The following SCAMP1 variants were observed in gnomAD, a reference collection of about 807,000 sequenced individuals.
SCAMP1 encodes secretory carrier-associated membrane protein 1.
In SCAMP1, 15 loss-of-function variants were observed where a neutral mutation model predicts 41.8. The ratio of observed to expected loss-of-function variants is 0.36; its 90% CI spans 0.24 to 0.55. The LOEUF (loss-of-function observed/expected upper bound fraction) is 0.55. Ranked by LOEUF, SCAMP1 falls within the 20% of genes least tolerant of loss-of-function variation. SCAMP1 has a pLI of 0.86. For synonymous variants in SCAMP1, 135 were observed against 136.8 expected, an observed-to-expected ratio of 0.99 and a Z score of 0.09; for missense variants, 341 against 412.6, an observed-to-expected ratio of 0.83 and a Z score of 1.50.
intron 7 of SCAMP1, among the ~76,000 whole-genome samples, chr5:78,452,619 T>C (rs1165075354): frequency 1.3e-5 from 2 of 151,122 alleles, no homozygotes; most frequent in African/African-American, 4.9e-5. Context: ...TCCAAGTCTT[T>C]GCCATTGTGA....
At chr5:78,379,721 G>GA (rs927248203) in intron 1 of SCAMP1, among the ~76,000 whole-genome samples, 3 of 152,180 alleles carry the variant, frequency 2.0e-5, no homozygotes, top group African/African-American at 4.8e-5. Flanking sequence ...TATTTAAGGT[G>GA]AATTTTAGCA....
At chr5:78,412,805 A>G (rs1303232006) in intron 2 of SCAMP1, among the ~76,000 whole-genome samples, 1 of 152,144 alleles carries the variant, frequency 6.6e-6, no homozygotes, top group Non-Finnish European at 1.5e-5. Flanking sequence ...TTTCTGTTAT[A>G]TGCATTACAA....
intron 1 of SCAMP1, among the ~76,000 whole-genome samples, chr5:78,374,103 G>C (rs1340732742): frequency 3.3e-5 from 5 of 151,992 alleles, no homozygotes. Context: ...AGTCACTTGG[G>C]ATACAAGATA....
At chr5:78,432,829 A>G (rs1419023672) in intron 6 of SCAMP1, among the ~76,000 whole-genome samples, 2 of 152,100 alleles carry the variant, frequency 1.3e-5, no homozygotes, top group African/African-American at 4.8e-5. Flanking sequence ...TTTCTTTTGT[A>G]ACTTCTTTAT....
At chr5:78,395,930 G>C (rs1013945283) in intron 2 of SCAMP1, among the ~76,000 whole-genome samples, 1 of 152,164 alleles carries the variant, frequency 6.6e-6, no homozygotes, top group Admixed American at 6.5e-5. Flanking sequence ...GCACTCAAGG[G>C]AAGGGCATTA....
intron 8 of SCAMP1, among the ~76,000 whole-genome samples, chr5:78,475,070 G>C (rs916921145): frequency 3.9e-5 from 6 of 152,082 alleles, no homozygotes; most frequent in African/African-American, 1.4e-4. Context: ...ATTATAACAG[G>C]GCCTGTGGTG....
At chr5:78,431,669 C>A (rs1218206154) in intron 6 of SCAMP1, among the ~76,000 whole-genome samples, 1 of 150,678 alleles carries the variant, frequency 6.6e-6, no homozygotes. Flanking sequence ...TAATCATAGT[C>A]TCTGTATTCA....
Position 78,407,748 on chromosome 5 carries a change from C to A in SCAMP1, c.136-7772C>A, listed in dbSNP as rs11748782. Among the ~76,000 whole-genome samples the A allele has an allele frequency of 6.7e-3, 1,017 of 151,954 alleles. 7 individuals carry two copies. The highest frequency in any genetic ancestry group is 0.01 in the Non-Finnish European group (708 of 67,986). On this transcript the variant is annotated intron_variant, in intron 2 of 8. Transcript: ENST00000621999. ...CTGTGCTGTGTCATTAGATTCACTT[C>A]CATTCCTTTATTATTTCATCTTTGT...
At chr5:78,459,911 T>C (rs1465378092) in intron 8 of SCAMP1, among the ~76,000 whole-genome samples, 2 of 152,034 alleles carry the variant, frequency 1.3e-5, no homozygotes, top group Admixed American at 6.6e-5. Context: ...TTTGCTCTTC[T>C]CCCTCCCTCC....
intron 7 of SCAMP1, among the ~76,000 whole-genome samples, chr5:78,451,253 C>G (rs188907172): frequency 6.6e-6 from 1 of 152,242 alleles, no homozygotes; most frequent in East Asian, 1.9e-4. Flanking sequence ...TTAGGTTAAA[C>G]TTTTTACTTT....
At chr5:78,386,760 T>C (rs997203717) in intron 1 of SCAMP1, among the ~76,000 whole-genome samples, 10 of 152,182 alleles carry the variant, frequency 6.6e-5, no homozygotes, top group African/African-American at 2.4e-4. Context: ...GATAATTGTT[T>C]TCTTTAAGGA....
chr5:78,471,452 A>G lies in SCAMP1; in HGVS notation c.853-4052A>G, dbSNP rs1753881731. ...CATACTTTTTTAAAAACTCAAAACA[A>G]GAATTTAAAAAATATATTTAAAAAA... On this transcript the variant is annotated intron_variant, in intron 8 of 8. Coordinates refer to ENST00000621999, the MANE Select transcript of SCAMP1 (RefSeq NM_004866.6). Among the ~76,000 whole-genome samples the G allele has an allele frequency of 3.3e-5, 5 of 152,272 alleles. No homozygotes were observed. In the South Asian group the frequency reaches 1.0e-3, roughly 32 times the overall value.
chr5:78,406,196 G>A (rs528334520), intron 2 of SCAMP1, among the ~76,000 whole-genome samples: 2 of 152,186 alleles, frequency 1.3e-5, no homozygotes, highest in Admixed American at 6.5e-5. Context: ...GTTAAAAATG[G>A]TAGTTTGTTA....
intron 8 of SCAMP1, among the ~76,000 whole-genome samples, chr5:78,468,915 T>C (rs904692509): frequency 6.6e-6 from 1 of 152,166 alleles, no homozygotes; most frequent in Non-Finnish European, 1.5e-5. Flanking sequence ...TCCCTCTATA[T>C]GCAGGGGATT....
chr5:78,459,026 T>G (rs1753511920), intron 7 of SCAMP1, among the ~76,000 whole-genome samples: 1 of 152,224 alleles, frequency 6.6e-6, no homozygotes, highest in African/African-American at 2.4e-5. Context: ...CTGTGTGACC[T>G]CGGGCAGATT....
intron 8 of SCAMP1, among the ~76,000 whole-genome samples, 198 bp downstream of exon 8, chr5:78,459,560 A>G (rs1300654453): frequency 6.6e-6 from 1 of 152,224 alleles, no homozygotes; most frequent in African/African-American, 2.4e-5. Flanking sequence ...AAACTTCAGT[A>G]AAAAGGGAAT....
intron 6 of SCAMP1, among the ~76,000 whole-genome samples, chr5:78,424,494 C>A (rs952013515): frequency 1.3e-5 from 2 of 152,140 alleles, no homozygotes; most frequent in Non-Finnish European, 2.9e-5. Context: ...CTTTGGGAGG[C>A]AGAGGCTGGC....
intron 1 of SCAMP1, among the ~76,000 whole-genome samples, chr5:78,386,905 C>G (rs1429271254): frequency 6.6e-6 from 1 of 152,122 alleles, no homozygotes; most frequent in East Asian, 1.9e-4. Flanking sequence ...TTTGTCTTGA[C>G]TTTAGATAAC....
intron 8 of SCAMP1, among the ~76,000 whole-genome samples, chr5:78,464,059 C>T (rs536559510): frequency 2.0e-5 from 3 of 152,258 alleles, no homozygotes; most frequent in African/African-American, 7.2e-5. Context: ...CTCACTGCAG[C>T]CTCCGCCTCC....
Sources: gnomAD v4.1 joint callset for allele counts (sites outside exome capture counted in the v4.1 genomes callset) on GRCh38, gnomAD v4.1.1 for gene constraint, MANE v1.5 for transcripts, NCBI Gene and HGNC (gene_info 2026-07-23, HGNC 2026-07-21) for gene names.